PPP3CA: variants seen among roughly 807,000 people sequenced by gnomAD.
PPP3CA encodes the protein CAM-PRP catalytic subunit.
Under a neutral mutation model 66.5 loss-of-function variants are expected in PPP3CA, and 14 were observed. The ratio of observed to expected loss-of-function variants is 0.21; its 90% CI spans 0.14 to 0.33. PPP3CA has a LOEUF of 0.33. Ranked by LOEUF, PPP3CA falls within the 10% of genes least tolerant of loss-of-function variation. The pLI, the probability that PPP3CA is intolerant of heterozygous loss-of-function variation, is 1.00. For missense variants in PPP3CA, 317 were observed against 639.5 expected (o/e 0.50, Z 5.44); for synonymous variants, 232 against 226.2 (o/e 1.03, Z -0.23).
chr4:101,095,069 T>A (rs546315165), intron 5 of PPP3CA, among the ~76,000 whole-genome samples: 32 of 152,240 alleles, frequency 2.1e-4, no homozygotes, highest in Non-Finnish European at 3.7e-4. Context: ...AGGCAATATT[T>A]TATGTTTTCA....
chr4:101,188,017 T>G (rs1724468790), intron 2 of PPP3CA, among the ~76,000 whole-genome samples: 1 of 152,078 alleles, frequency 6.6e-6, no homozygotes. Flanking sequence ...TGAGAGCAAT[T>G]AAAAGAACTA....
chr4:101,224,872 C>A (rs561799694), intron 1 of PPP3CA, among the ~76,000 whole-genome samples: 1 of 151,842 alleles, frequency 6.6e-6, no homozygotes, highest in South Asian at 2.1e-4. Flanking sequence ...AAAGCCAAAG[C>A]CCTCACAAGG....
At chr4:101,150,414 C>A (rs1459019217) in intron 2 of PPP3CA, among the ~76,000 whole-genome samples, 2 of 152,152 alleles carry the variant, frequency 1.3e-5, no homozygotes, top group Non-Finnish European at 2.9e-5. Flanking sequence ...TAAAACAGAT[C>A]TTGCTCTTTA....
chr4:101,139,696 GTTTTTTTTT>G (rs372257350), intron 2 of PPP3CA, among the ~76,000 whole-genome samples: 38 of 98,408 alleles, frequency 3.9e-4, no homozygotes, highest in African/African-American at 1.5e-3. Flanking sequence ...TTTTTTTTGT[GTTTTTTTTT>G]TTTTTTTTTT....
intron 1 of PPP3CA, among the ~76,000 whole-genome samples, chr4:101,222,228 C>T (rs1725648424): frequency 6.6e-6 from 1 of 151,524 alleles, no homozygotes; most frequent in Admixed American, 6.6e-5. Flanking sequence ...TTATGACAAA[C>T]ACATTGTTCT....
chr4:101,315,014 G>A (rs941371070), intron 1 of PPP3CA, among the ~76,000 whole-genome samples: 5 of 151,970 alleles, frequency 3.3e-5, no homozygotes, highest in Non-Finnish European at 7.4e-5. Context: ...CTTAACATCT[G>A]GATATTTGTG....
intron 2 of PPP3CA, among the ~76,000 whole-genome samples, chr4:101,125,657 T>C (rs1722222502): frequency 6.6e-6 from 1 of 152,212 alleles, no homozygotes; most frequent in Non-Finnish European, 1.5e-5. Context: ...GTAAAAACTC[T>C]TATATATTTC....
intron 5 of PPP3CA, among the ~76,000 whole-genome samples, chr4:101,094,798 T>C (rs1049633875): frequency 6.6e-6 from 1 of 152,174 alleles, no homozygotes; most frequent in African/African-American, 2.4e-5. Flanking sequence ...CACTTTAGTT[T>C]ATCCTGATTT....
At chr4:101,309,899 T>A (rs4488940) in intron 1 of PPP3CA, among the ~76,000 whole-genome samples, 15,999 of 152,248 alleles carry the variant, frequency 0.11, 2,859 homozygotes, top group African/African-American at 0.36. Flanking sequence ...AGAAAGTACG[T>A]ATTTATCAAC....
At chr4:101,039,149 C>T (rs1477845933) in intron 11 of PPP3CA, among the ~76,000 whole-genome samples, 3 of 144,976 alleles carry the variant, frequency 2.1e-5, no homozygotes, top group Non-Finnish European at 3.1e-5. Flanking sequence ...TCCTTGTGGT[C>T]CTCAAAACTG....
At chr4:101,087,828 T>C (rs1729737667) in intron 6 of PPP3CA, among the ~76,000 whole-genome samples, 1 of 152,130 alleles carries the variant, frequency 6.6e-6, no homozygotes, top group African/African-American at 2.4e-5. Flanking sequence ...AATAGCTTGG[T>C]AATATGAATG....
chr4:101,063,332 A>G lies in PPP3CA; in HGVS notation c.981T>C (p.Asn327=), dbSNP rs757940346. The change falls in exon 9 of 14, where the codon AAT becomes AAC. Residue 327 remains asparagine, a synonymous_variant. Coordinates refer to ENST00000394854, the MANE Select transcript of PPP3CA (RefSeq NM_000944.5). The part of the protein sequence containing the change: ...NKAAVLKYEN[N]VMNIRQFNCS... ...AGTTGAATTGCCTGATATTCATAAC[A>G]TTGTTCTCATACTTCAATACTGCAG... is the stretch of plus-strand genomic sequence containing the variant. 1.9e-6 allele frequency: 3 copies of G among 1,610,572 alleles called. No individual in the cohort carries two copies. Among genetic ancestry groups the G allele is most frequent in the Admixed American group, 1.7e-5 (1 of 59,672 alleles).
chr4:101,135,245 C>CAA (rs11290239), intron 2 of PPP3CA, among the ~76,000 whole-genome samples: 1 of 142,138 alleles, frequency 7.0e-6, no homozygotes, highest in African/African-American at 2.5e-5. Context: ...TAATCCTTCT[C>CAA]AAAAAAAAAA....
intron 1 of PPP3CA, among the ~76,000 whole-genome samples, chr4:101,218,566 T>C (rs1725524509): frequency 6.6e-6 from 1 of 152,000 alleles, no homozygotes; most frequent in East Asian, 1.9e-4. Context: ...TCACAAACAC[T>C]AGGAAAGCTG....
chr4:101,223,847 G>C (rs954971060), intron 1 of PPP3CA, among the ~76,000 whole-genome samples: 1 of 151,640 alleles, frequency 6.6e-6, no homozygotes, highest in Non-Finnish European at 1.5e-5. Flanking sequence ...AAAAAATAGA[G>C]AAAATAAACT....
intron 1 of PPP3CA, among the ~76,000 whole-genome samples, chr4:101,226,718 T>C (rs1725794371): frequency 6.6e-6 from 1 of 151,642 alleles, no homozygotes; most frequent in Non-Finnish European, 1.5e-5. Context: ...TTTTTTTTCA[T>C]ATGAAGCCTA....
intron 1 of PPP3CA, among the ~76,000 whole-genome samples, chr4:101,299,995 A>T (rs1475297053): frequency 1.3e-5 from 2 of 152,212 alleles, no homozygotes; most frequent in Admixed American, 1.3e-4. Flanking sequence ...TTAAAAGCAT[A>T]AAAATCTTTT....
intron 1 of PPP3CA, among the ~76,000 whole-genome samples, chr4:101,316,913 T>C (rs1174899046): frequency 1.3e-5 from 2 of 152,172 alleles, no homozygotes; most frequent in African/African-American, 4.8e-5. Context: ...AACATGAACA[T>C]GACTTCAAAA....
At chr4:101,139,717 T>G (rs1382653539) in intron 2 of PPP3CA, among the ~76,000 whole-genome samples, 3 of 144,118 alleles carry the variant, frequency 2.1e-5, no homozygotes, top group African/African-American at 7.9e-5. Flanking sequence ...TTTTTTTTTT[T>G]GTCGTTGTTG....
Sources: gnomAD v4.1 joint callset for allele counts (sites outside exome capture counted in the v4.1 genomes callset) on GRCh38, gnomAD v4.1.1 for gene constraint, MANE v1.5 for transcripts, NCBI Gene and HGNC (gene_info 2026-07-23, HGNC 2026-07-21) for gene names.